Variants in ARRDC3 observed in about 807,000 individuals in gnomAD.
ARRDC3 encodes the protein arrestin domain-containing protein 3.
A neutral mutation model predicts 47.2 loss-of-function variants in ARRDC3; 10 were observed. The observed-to-expected ratio is 0.21, with a 90% confidence interval of 0.13 to 0.36. ARRDC3 has a LOEUF of 0.36. Among genes scored for constraint, ARRDC3 ranks in the 10% least tolerant of loss-of-function variants. The pLI is 1.00. For missense variants in ARRDC3, 381 were observed against 503.6 expected (o/e 0.76, Z 2.33); for synonymous variants, 156 against 178.3 (o/e 0.87, Z 1.00).
chr5:91,375,669 C>A, intron 3 of ARRDC3, 56 bp from the exon 4 acceptor site: 1 of 1,139,824 alleles, frequency 8.8e-7, no homozygotes, highest in Non-Finnish European at 1.2e-6. Context: ...ACAATCAATA[C>A]CAGAATATTT....
In ARRDC3 at chr5:91,369,848, C is replaced by G. The variant is rs1334869231; in HGVS notation, c.*1552G>C. ...GAATGCTGGTATATTTGTTATGAGCCAACAGAAAATTACCTTTAATATAAA... is the reference window on the plus strand; with the variant it reads ...GAATGCTGGTATATTTGTTATGAGCGAACAGAAAATTACCTTTAATATAAA... On this transcript the variant is annotated 3_prime_UTR_variant, in exon 8 of 8. Coordinates refer to ENST00000265138, the MANE Select transcript of ARRDC3 (RefSeq NM_020801.4). 6.6e-6 allele frequency: 1 copy of G among 152,042 alleles called. No individual in the cohort carries two copies. The highest frequency in any genetic ancestry group is 1.5e-5 in the Non-Finnish European group (1 of 68,006). 9.4% of individuals were successfully genotyped at this position (152,042 alleles called of 1,614,324 possible). A position where few individuals can be genotyped will look rare whatever the true frequency, so the allele number is the denominator to read the frequency against.
chr5:91,372,277 G>A (rs569682658), intron 7 of ARRDC3, among the ~76,000 whole-genome samples: 2 of 152,222 alleles, frequency 1.3e-5, no homozygotes, highest in Admixed American at 6.5e-5. Context: ...GAAGCTTTAG[G>A]TAAAACACAT....
intron 7 of ARRDC3, among the ~76,000 whole-genome samples, chr5:91,372,893 C>T (rs1488061678): frequency 2.0e-5 from 3 of 152,144 alleles, no homozygotes; most frequent in Admixed American, 6.5e-5. Flanking sequence ...AAAATGTGTA[C>T]TAGTGGCTAA....
In ARRDC3 at chr5:91,371,434, G is replaced by T; in HGVS notation, c.1211C>A (p.Ser404Ter). The T allele has an allele frequency of 6.2e-7, 1 of 1,613,444 alleles. No individual in the cohort carries two copies. Among genetic ancestry groups the T allele is most frequent in the South Asian group, 1.1e-5 (1 of 91,036 alleles). ...YSEIDPNPDQ[S>*]ADDRPSCPSR ...GGGGCAGGATGGTCTATCATCTGCTGACTGATCAGGATTTGGATCAATCTA... is the reference window on the plus strand; with the variant it reads ...GGGGCAGGATGGTCTATCATCTGCTTACTGATCAGGATTTGGATCAATCTA... The change falls in exon 8 of 8, where the codon TCA (serine) becomes TAA (stop). Residue 404 changes from serine to a stop codon, truncating the protein, a stop_gained. Transcript: ENST00000265138. LOFTEE classifies it high-confidence loss of function.
Position 91,378,675 on chromosome 5 carries a change from T to TG in ARRDC3, c.362+18_362+19insC, listed in dbSNP as rs770598547. The TG allele has an allele frequency of 2.8e-5, 39 of 1,379,000 alleles. No homozygotes were observed. In the Middle Eastern group the frequency reaches 1.1e-3, roughly 40 times the overall value. 85.4% of individuals were successfully genotyped at this position (1,379,000 alleles called of 1,614,324 possible). On this transcript the variant is annotated intron_variant, in intron 2 of 7. Transcript: ENST00000265138. ...GATCATAAGTATCTATAAAAATGCC[T>TG]ATTATTTATAATACTTACGTCTGTG...
chr5:91,381,331 C>G (rs1322378405), intron 1 of ARRDC3, among the ~76,000 whole-genome samples: 2 of 152,166 alleles, frequency 1.3e-5, no homozygotes, highest in East Asian at 1.9e-4. Context: ...GTCTTAACCC[C>G]TTGAGGAAAA....
chr5:91,371,499 A>AG lies in ARRDC3; in HGVS notation c.1189-44dup, dbSNP rs754350246. 5.4e-6 allele frequency: 8 copies of AG among 1,478,726 alleles called. No homozygotes were observed. In the East Asian group the frequency reaches 1.8e-4, roughly 34 times the overall value. The allele number at this position is 1,478,726 out of a possible 1,614,324, so 91.6% of individuals were successfully genotyped here. On this transcript the variant is annotated intron_variant, in intron 7 of 7. Transcript: ENST00000265138. ...AAAAAGTTTACAGAGTTATTTCATG[A>AG]GGTCTAGGAAGAATGTAGCAAATGA...
chr5:91,373,774 A>G lies in ARRDC3; in HGVS notation c.1098T>C (p.Ser366=), dbSNP rs778544820. The part of the protein sequence containing the change: ...EQRRNNLAPV[S]ACDDFERALQ... ...GGGCTCTCTCAAAGTCATCACAAGCACTCACTGGTGCAAGATTGTTCCGCC... is the reference window on the plus strand; with the variant it reads ...GGGCTCTCTCAAAGTCATCACAAGCGCTCACTGGTGCAAGATTGTTCCGCC... The change falls in exon 7 of 8, where the codon AGT becomes AGC. Residue 366 remains serine, a synonymous_variant. Coordinates refer to ENST00000265138, the MANE Select transcript of ARRDC3 (RefSeq NM_020801.4). The G allele has an allele frequency of 6.2e-7, 1 of 1,614,056 alleles. No homozygotes were observed. The highest frequency in any genetic ancestry group is 1.7e-5 in the Admixed American group (1 of 60,000).
chr5:91,382,508 G>C (rs1799476284), intron 1 of ARRDC3, among the ~76,000 whole-genome samples: 1 of 152,194 alleles, frequency 6.6e-6, no homozygotes, highest in Non-Finnish European at 1.5e-5. Flanking sequence ...TTAGTAAAAC[G>C]ACTGAATTGG....
intron 5 of ARRDC3, 88 bp from the exon 6 acceptor site, chr5:91,374,364 A>G: frequency 8.7e-7 from 1 of 1,143,182 alleles, no homozygotes; most frequent in East Asian, 2.5e-5. Context: ...GTTATTTGAA[A>G]CCCCCATTTA....
At chr5:91,379,507 TC>T (rs1799389888) in intron 1 of ARRDC3, among the ~76,000 whole-genome samples, 2 of 152,104 alleles carry the variant, frequency 1.3e-5, no homozygotes, top group Admixed American at 1.3e-4. Flanking sequence ...AACAATATTT[TC>T]CAACATCCTT....
Position 91,382,995 on chromosome 5 carries a change from C to T in ARRDC3, c.98G>A (p.Arg33Lys), listed in dbSNP as rs765098224. 11 of 1,613,958 alleles carry T rather than the reference C, an allele frequency of 6.8e-6. No homozygotes were observed. The East Asian group carries it at 1.3e-4, about 20-fold the overall frequency. The change falls in exon 1 of 8, where the codon AGG (arginine) becomes AAG (lysine). Residue 33 changes from arginine (R) to lysine (K), a missense_variant. By Grantham distance (26) the Arg-to-Lys change is conservative. Transcript: ENST00000265138. Reference sequence around the variant, plus strand: ...TTCCCCAGTAACTTCTAAATTTACCCTTCCTGAGACGGTATCCCCACTAGA... The same window carrying T: ...TTCCCCAGTAACTTCTAAATTTACCTTTCCTGAGACGGTATCCCCACTAGA... ...VYSSGDTVSG[R>K]VNLEVTGEIR...
intron 2 of ARRDC3, among the ~76,000 whole-genome samples, chr5:91,378,035 A>G (rs1295639242): frequency 6.6e-6 from 1 of 151,954 alleles, no homozygotes; most frequent in East Asian, 1.9e-4. Flanking sequence ...AGTTTGTATC[A>G]TCTCTTCCAA....
Position 91,374,909 on chromosome 5 carries a change from A to T in ARRDC3, c.870+13T>A. 1 of 1,611,812 alleles carries T rather than the reference A, an allele frequency of 6.2e-7. No homozygotes were observed. ...AAAAAAGAAAGGAAAAAACCTCTTAAATGTGTACATACCATTAGTGAATAT... is the reference window on the plus strand; with the variant it reads ...AAAAAAGAAAGGAAAAAACCTCTTATATGTGTACATACCATTAGTGAATAT... On this transcript the variant is annotated intron_variant, in intron 5 of 7. Coordinates refer to ENST00000265138, the MANE Select transcript of ARRDC3 (RefSeq NM_020801.4).
chr5:91,374,257 C>G lies in ARRDC3; in HGVS notation c.890G>C (p.Gly297Ala). Residue 297 changes from glycine to alanine, a missense_variant, in exon 6 of 8, where the codon GGA becomes GCA. Gly to Ala is a moderately conservative substitution (Grantham distance 60). Transcript: ENST00000265138. ...CAAATTAAGAAATAAATCCATAGCT[C>G]CAGGAATATCCACATATACCTAAAC... ...YSLMVYVDIP[G>A]AMDLFLNLPL... is the part of the protein sequence containing the mutation. 1 of 1,612,970 alleles carries G rather than the reference C, an allele frequency of 6.2e-7. No individual in the cohort carries two copies. The highest frequency in any genetic ancestry group is 1.3e-5 in the African/African-American group (1 of 74,948).
chr5:91,375,267 A>G, intron 4 of ARRDC3, 89 bp from the exon 5 acceptor site: 1 of 1,358,344 alleles, frequency 7.4e-7, no homozygotes, highest in Non-Finnish European at 9.9e-7. Context: ...AGAAAGTGCA[A>G]CTAACATACA....
At position 91,371,349 on chromosome 5, in the gene ARRDC3, G is replaced by T. The variant is rs753936734; in HGVS notation, c.*51C>A. 147 of 1,489,070 alleles carry T rather than the reference G, an allele frequency of 9.9e-5. No individual in the cohort carries two copies. Among genetic ancestry groups the T allele is most frequent in the Non-Finnish European group, 1.3e-4 (138 of 1,070,154 alleles). 92.2% of individuals were successfully genotyped at this position (1,489,070 alleles called of 1,614,324 possible). A position where few individuals can be genotyped will look rare whatever the true frequency, so the allele number is the denominator to read the frequency against. On this transcript the variant is annotated 3_prime_UTR_variant, in exon 8 of 8. Transcript: ENST00000265138. ...CAAGATACTTCTCTGTCCTCAGCCG[G>T]AAGAGATACAGTTCGGAACCCACAT...
chr5:91,378,612 G>T, intron 2 of ARRDC3, 82 bp downstream of exon 2: 4 of 796,958 alleles, frequency 5.0e-6, no homozygotes, highest in Non-Finnish European at 7.8e-6. Flanking sequence ...AACTAAAAAT[G>T]TTTAAATTTA....
chr5:91,378,170 C>A (rs1185247338), intron 2 of ARRDC3, among the ~76,000 whole-genome samples: 1 of 151,960 alleles, frequency 6.6e-6, no homozygotes, highest in Non-Finnish European at 1.5e-5. Flanking sequence ...TCTTGTGTGA[C>A]CTTCCCAATA....
Sources: gnomAD v4.1 joint callset for allele counts (sites outside exome capture counted in the v4.1 genomes callset) on GRCh38, gnomAD v4.1.1 for gene constraint, MANE v1.5 for transcripts, NCBI Gene and HGNC (gene_info 2026-07-23, HGNC 2026-07-21) for gene names.